Variants in UCK1 observed in about 807,000 individuals in gnomAD.
UCK1 encodes the protein uridine-cytidine kinase 1.
Under a neutral mutation model 34.0 loss-of-function variants are expected in UCK1, and 20 were observed. The observed-to-expected ratio is 0.59, with a 90% CI of 0.41 to 0.86. The LOEUF (loss-of-function observed/expected upper bound fraction) is 0.86. Ranked by LOEUF, UCK1 falls within the 40% of genes least tolerant of loss-of-function variation. The probability of loss-of-function intolerance (pLI) is 0.00; values close to 1 mark genes in which losing one functional copy is unlikely to be tolerated. For synonymous variants in UCK1, 168 were observed against 155.9 expected, an observed-to-expected ratio of 1.08 and a Z score of -0.58; for missense variants, 343 against 383.6, an observed-to-expected ratio of 0.89 and a Z score of 0.88.
In UCK1 at chr9:131,529,634, G is replaced by A. The variant is rs1322386181; in HGVS notation, c.269-50C>T. On this transcript the variant is annotated intron_variant, in intron 2 of 6. Transcript: ENST00000372215. ...GACAGGCAGATGCCCTCGTGCAGCG[G>A]ACAGCAGGGAACCCTCTCTGCTCTG... 3 of 1,567,444 alleles carry A rather than the reference G, an allele frequency of 1.9e-6. No homozygotes were observed. In the South Asian group the frequency reaches 3.3e-5, roughly 17 times the overall value.
chr9:131,525,318 C>T, intron 6 of UCK1, 97 bp from the exon 7 acceptor site: 1 of 1,503,242 alleles, frequency 6.7e-7, no homozygotes, highest in Non-Finnish European at 9.1e-7. Flanking sequence ...AGCGCCCAAC[C>T]TCTGCCCTGA....
chr9:131,524,804 T>A lies in UCK1; in HGVS notation c.*236A>T, dbSNP rs975846146. The stretch of plus-strand genomic sequence containing the variant: ...GGCATTTCTCAGTGACCTAGAGGGA[T>A]CTTTAAACCGCAACGAGCCTAAGTG... On this transcript the variant is annotated 3_prime_UTR_variant, in exon 7 of 7. Coordinates refer to ENST00000372215, the MANE Select transcript of UCK1 (RefSeq NM_031432.5). 2.0e-6 allele frequency: 1 copy of A among 512,660 alleles called. No homozygotes were observed. The highest frequency in any genetic ancestry group is 2.7e-5 in the South Asian group (1 of 36,644). The allele number at this position is 512,660 out of a possible 1,614,324, so 31.8% of individuals were successfully genotyped here. A position where few individuals can be genotyped will look rare whatever the true frequency, so the allele number is the denominator to read the frequency against.
At chr9:131,529,291 G>A in intron 3 of UCK1, 21 bp from the exon 4 acceptor site, 3 of 1,613,780 alleles carry the variant, frequency 1.9e-6, no homozygotes, top group Non-Finnish European at 2.5e-6. Flanking sequence ...CACGGGGAAA[G>A]GGGCTCTGCT....
chr9:131,530,256 G>T (rs1588539305), intron 2 of UCK1, among the ~76,000 whole-genome samples: 1 of 152,060 alleles, frequency 6.6e-6, no homozygotes, highest in Non-Finnish European at 1.5e-5. Flanking sequence ...AGTGCAACAG[G>T]CTTCCTGACT....
In UCK1 at chr9:131,524,755, T is replaced by G; in HGVS notation, c.*285A>C. 2.8e-6 allele frequency: 1 copy of G among 361,632 alleles called. No homozygotes were observed. The highest frequency in any genetic ancestry group is 5.0e-6 in the Non-Finnish European group (1 of 198,962). The allele number at this position is 361,632 out of a possible 1,614,324, so 22.4% of individuals were successfully genotyped here. Reference sequence around the variant, plus strand: ...GTGCCTCACATTCCTCACAGAAGCCTCCCAGGCTTCCTGCACATTCTGTGG... The same window carrying G: ...GTGCCTCACATTCCTCACAGAAGCCGCCCAGGCTTCCTGCACATTCTGTGG... On this transcript the variant is annotated 3_prime_UTR_variant, in exon 7 of 7. Coordinates refer to ENST00000372215, the MANE Select transcript of UCK1 (RefSeq NM_031432.5).
intron 1 of UCK1, 184 bp from the exon 2 acceptor site, chr9:131,530,829 T>G (rs1950812676): frequency 3.4e-6 from 4 of 1,168,398 alleles, no homozygotes; most frequent in Non-Finnish European, 4.8e-6. Flanking sequence ...TAGCACGGAC[T>G]TGGGGCTCCG....
At chr9:131,529,371 G>A (rs557546098) in intron 3 of UCK1, 101 bp from the exon 4 acceptor site, 24 of 1,601,172 alleles carry the variant, frequency 1.5e-5, no homozygotes, top group East Asian at 4.5e-5. Flanking sequence ...GTGGGAAGGG[G>A]TGGGGGACCC....
intron 6 of UCK1, among the ~76,000 whole-genome samples, chr9:131,525,440 G>A (rs1232908691): frequency 6.6e-6 from 1 of 152,202 alleles, no homozygotes; most frequent in African/African-American, 2.4e-5. Context: ...TTATGTTAGA[G>A]TCTGCTTAAA....
In UCK1 at chr9:131,528,924, G is replaced by A. The variant is rs745939710; in HGVS notation, c.603+20C>T. 2 of 1,613,214 alleles carry A rather than the reference G, an allele frequency of 1.2e-6. No homozygotes were observed. The highest frequency in any genetic ancestry group is 1.7e-6 in the Non-Finnish European group (2 of 1,179,550). On this transcript the variant is annotated intron_variant, in intron 5 of 6. Coordinates refer to ENST00000372215, the MANE Select transcript of UCK1 (RefSeq NM_031432.5). Reference sequence around the variant, plus strand: ...CTTGTGAAAGGGGAAAATGGGCTCTGAAGCAGCGAGCACAGGTACCGGCAG... The same window carrying A: ...CTTGTGAAAGGGGAAAATGGGCTCTAAAGCAGCGAGCACAGGTACCGGCAG...
intron 5 of UCK1, chr9:131,526,441 T>G: frequency 7.7e-7 from 1 of 1,291,032 alleles, no homozygotes; most frequent in Non-Finnish European, 1.0e-6. Flanking sequence ...TGATGGTAAC[T>G]TACTCCCTCA....
chr9:131,526,007 G>A (rs752161855), intron 5 of UCK1, 30 bp from the exon 6 acceptor site: 1 of 1,613,652 alleles, frequency 6.2e-7, no homozygotes, highest in Non-Finnish European at 8.5e-7. Context: ...GTGTTCCTGT[G>A]AGGACTTTTC....
rs1046664885 is a variant in UCK1 at position 131,531,192 on chromosome 9, C to T, written c.-18G>A. The stretch of plus-strand genomic sequence containing the variant: ...GAAGCCATCTCGGCCTCCGCTCCCG[C>T]GCATCGGGTCCCCGCGCCCGCCCCT... On this transcript the variant is annotated 5_prime_UTR_variant, in exon 1 of 7. Transcript: ENST00000372215. The T allele has an allele frequency of 1.1e-5, 15 of 1,383,986 alleles. No individual in the cohort carries two copies. The highest frequency in any genetic ancestry group is 2.6e-4 in the Middle Eastern group (1 of 3,862). The allele number at this position is 1,383,986 out of a possible 1,614,324, so 85.7% of individuals were successfully genotyped here.
At position 131,530,814 on chromosome 9, in the gene UCK1, G is replaced by A. The variant is rs1187771413; in HGVS notation, c.109-169C>T. 12 of 1,273,048 alleles carry A rather than the reference G, an allele frequency of 9.4e-6. No individual in the cohort carries two copies. In the Admixed American group the frequency reaches 1.6e-4, roughly 17 times the overall value. 78.9% of individuals were successfully genotyped at this position (1,273,048 alleles called of 1,614,324 possible). A position where few individuals can be genotyped will look rare whatever the true frequency, so the allele number is the denominator to read the frequency against. On this transcript the variant is annotated intron_variant, in intron 1 of 6. Transcript: ENST00000372215. ...AGCGGAAGGGCCGCGGGGGCCCAAC[G>A]GGGTTAGCACGGACTTGGGGCTCCG... is the stretch of plus-strand genomic sequence containing the variant.
In UCK1 at chr9:131,525,107, C is replaced by T; in HGVS notation, c.767G>A (p.Gly256Glu). The T allele has an allele frequency of 1.2e-6, 2 of 1,613,896 alleles. No homozygotes were observed. Among genetic ancestry groups the T allele is most frequent in the Non-Finnish European group, 1.7e-6 (2 of 1,180,022 alleles). The change falls in exon 7 of 7, where the codon GGG becomes GAG. Residue 256 changes from glycine (G) to glutamate (E), a missense_variant. Coordinates refer to ENST00000372215, the MANE Select transcript of UCK1 (RefSeq NM_031432.5). ...RSYKRTFSEP[G>E]DHPGMLTSGK... Reference sequence around the variant, plus strand: ...AGAGGTCAGCATCCCAGGGTGGTCCCCTGGCTCAGAAAAGGTCCGCTTGTA... The same window carrying T: ...AGAGGTCAGCATCCCAGGGTGGTCCTCTGGCTCAGAAAAGGTCCGCTTGTA...
Position 131,525,145 on chromosome 9 carries a change from G to A in UCK1, c.729C>T (p.Ser243=), listed in dbSNP as rs201376153. ...GDICKWHRGG[S]NGRSYKRTFS... ...AGGTCCGCTTGTAGCTCCGCCCATT[G>A]GACCCTCCTCGGTGCCATTTGCAGA... Residue 243 remains serine, a synonymous_variant, in exon 7 of 7, where the codon TCC becomes TCT. Transcript: ENST00000372215. 6.2e-6 allele frequency: 10 copies of A among 1,614,012 alleles called. No homozygotes were observed. The African/African-American group carries it at 1.3e-4, about 22-fold the overall frequency.
At chr9:131,528,643 T>C (rs1035530170) in intron 5 of UCK1, among the ~76,000 whole-genome samples, 5 of 152,150 alleles carry the variant, frequency 3.3e-5, no homozygotes, top group Non-Finnish European at 7.4e-5. Flanking sequence ...AGGCTGGCGC[T>C]GGGTGCAGAG....
chr9:131,529,584 T>C lies in UCK1; in HGVS notation c.269A>G (p.Asp90Gly). ...LKGQYNFDHP[D>G]AFDNDLMHRT... ...GTGCATCAAATCATTATCAAAGGCA[T>C]CTGCAGGGTTGGAGACAAAGGCAAG... The change falls in exon 3 of 7, where the codon GAT becomes GGT. Residue 90 changes from aspartate (D) to glycine (G), a missense_variant and splice_region_variant. Transcript: ENST00000372215. 6.2e-7 allele frequency: 1 copy of C among 1,614,038 alleles called. No individual in the cohort carries two copies. Among genetic ancestry groups the C allele is most frequent in the Non-Finnish European group, 8.5e-7 (1 of 1,179,968 alleles).
At chr9:131,530,685 G>C in intron 1 of UCK1, 40 bp from the exon 2 acceptor site, 1 of 1,614,164 alleles carries the variant, frequency 6.2e-7, no homozygotes, top group Non-Finnish European at 8.5e-7. Context: ...GGAACCGCTC[G>C]TCCTGTGACA....
At position 131,524,618 on chromosome 9, in the gene UCK1, G is replaced by A; in HGVS notation, c.*422C>T. 1.1e-5 allele frequency: 1 copy of A among 88,424 alleles called. No homozygotes were observed. The highest frequency in any genetic ancestry group is 2.4e-5 in the Non-Finnish European group (1 of 41,772). The allele number at this position is 88,424 out of a possible 1,614,324, so 5.5% of individuals were successfully genotyped here. On this transcript the variant is annotated 3_prime_UTR_variant, in exon 7 of 7. Coordinates refer to ENST00000372215, the MANE Select transcript of UCK1 (RefSeq NM_031432.5). ...CAAAACTTTTGAGTTATGTGTGTGAGTGTGTAAGAACCAGATCAGACTGGA... is the reference window on the plus strand; with the variant it reads ...CAAAACTTTTGAGTTATGTGTGTGAATGTGTAAGAACCAGATCAGACTGGA...
Sources: gnomAD v4.1 joint callset for allele counts (sites outside exome capture counted in the v4.1 genomes callset) on GRCh38, gnomAD v4.1.1 for gene constraint, MANE v1.5 for transcripts, NCBI Gene and HGNC (gene_info 2026-07-23, HGNC 2026-07-21) for gene names.